IQCB1: variants seen among roughly 807,000 people sequenced by gnomAD.
IQCB1 encodes the protein IQ calmodulin-binding motif-containing protein 1.
Under a neutral mutation model 84.4 loss-of-function variants are expected in IQCB1, and 56 were observed. The observed-to-expected ratio is 0.66, with a 90% CI of 0.54 to 0.83. The LOEUF is 0.83. Ranked by LOEUF, IQCB1 falls within the 40% of genes least tolerant of loss-of-function variation. The probability of loss-of-function intolerance (pLI) is 0.00; values close to 1 mark genes in which losing one functional copy is unlikely to be tolerated. For missense variants in IQCB1, 629 were observed against 682.1 expected (o/e 0.92, Z 0.87); for synonymous variants, 210 against 234.8 (o/e 0.89, Z 0.96).
chr3:121,782,069 A>G (rs1948519324), intron 12 of IQCB1, among the ~76,000 whole-genome samples, 195 bp from the exon 13 acceptor site: 1 of 152,190 alleles, frequency 6.6e-6, no homozygotes, highest in South Asian at 2.1e-4. Flanking sequence ...AGTGCTTTTT[A>G]CAAGGATATA....
chr3:121,781,654 C>CACACAA, intron 13 of IQCB1, 89 bp downstream of exon 13: 1 of 1,012,080 alleles, frequency 9.9e-7, no homozygotes, highest in Non-Finnish European at 1.5e-6. Flanking sequence ...CACACACACA[C>CACACAA]ACACACACAA....
In IQCB1 at chr3:121,776,364, A is replaced by G. The variant is rs1043628863; in HGVS notation, c.1411-3651T>C. Among the ~76,000 whole-genome samples the G allele has an allele frequency of 3.9e-5, 6 of 152,178 alleles. No homozygotes were observed. The East Asian group carries it at 9.6e-4, about 24-fold the overall frequency. On this transcript the variant is annotated intron_variant, in intron 13 of 14. Coordinates refer to ENST00000310864, the MANE Select transcript of IQCB1 (RefSeq NM_001023570.4). ...ATATATTTCTTTTTCTCTGGGGTAA[A>G]TATCTAGGAGTAGAATGGCTGAATC...
chr3:121,811,760 A>G (rs1286688689), intron 5 of IQCB1, among the ~76,000 whole-genome samples: 1 of 152,186 alleles, frequency 6.6e-6, no homozygotes, highest in Non-Finnish European at 1.5e-5. Context: ...AAACAAAGGC[A>G]GCAGCCCCAG....
chr3:121,826,100 A>T lies in IQCB1; in HGVS notation c.344T>A (p.Phe115Tyr). Residue 115 changes from phenylalanine to tyrosine, a missense_variant, in exon 5 of 15, where the codon TTT becomes TAT. Physicochemically the swap from Phe to Tyr is conservative, Grantham distance 22. Transcript: ENST00000310864. ...NELLPSAAENFLVLGRQLQTC... is the reference protein window; with the variant it reads ...NELLPSAAENYLVLGRQLQTC... ...TTGTAATTGTCTCCCCAAAACTAGA[A>T]AATTTTCTGCAGCTGATGGAAGTAA... is the stretch of plus-strand genomic sequence containing the variant. 3 of 1,613,442 alleles carry T rather than the reference A, an allele frequency of 1.9e-6. No individual in the cohort carries two copies. Among genetic ancestry groups the T allele is most frequent in the Non-Finnish European group, 2.5e-6 (3 of 1,179,398 alleles).
At chr3:121,823,629 G>A (rs1950350736) in intron 5 of IQCB1, among the ~76,000 whole-genome samples, 1 of 152,098 alleles carries the variant, frequency 6.6e-6, no homozygotes, top group Non-Finnish European at 1.5e-5. Context: ...TTCCTCAAAA[G>A]TGAAGGCATC....
intron 5 of IQCB1, among the ~76,000 whole-genome samples, chr3:121,813,337 C>G (rs574082973): frequency 6.6e-6 from 1 of 152,220 alleles, no homozygotes; most frequent in East Asian, 1.9e-4. Flanking sequence ...TACAAAGCCC[C>G]ATGACACTAT....
In IQCB1 at chr3:121,795,463, C is replaced by T. The variant is rs377493667; in HGVS notation, c.980G>A (p.Ser327Asn). 2.0e-5 allele frequency: 32 copies of T among 1,583,224 alleles called. No homozygotes were observed. The highest frequency in any genetic ancestry group is 2.5e-5 in the Non-Finnish European group (29 of 1,153,760). ...CCTCACCAAATTTTTTTACCTGAAACTCCTCTGCAAAGCAATCACAGCAGA... is the reference window on the plus strand; with the variant it reads ...CCTCACCAAATTTTTTTACCTGAAATTCCTCTGCAAAGCAATCACAGCAGA... Reference protein sequence around the residue: ...LPSAVIALQRSFRSKRSKMLL... With the variant: ...LPSAVIALQRNFRSKRSKMLL... The change falls in exon 10 of 15, where the codon AGT becomes AAT. Residue 327 changes from serine (S) to asparagine (N), a missense_variant. Coordinates refer to ENST00000310864, the MANE Select transcript of IQCB1 (RefSeq NM_001023570.4).
intron 13 of IQCB1, among the ~76,000 whole-genome samples, chr3:121,775,334 T>C (rs1948181624): frequency 6.6e-6 from 1 of 152,222 alleles, no homozygotes; most frequent in African/African-American, 2.4e-5. Flanking sequence ...GAGACATGGA[T>C]GAAGCTGGAA....
chr3:121,825,307 G>T (rs571542862), intron 5 of IQCB1, among the ~76,000 whole-genome samples: 1 of 151,992 alleles, frequency 6.6e-6, no homozygotes, highest in Non-Finnish European at 1.5e-5. Context: ...TGATCCGCCC[G>T]CCTCGGCCTC....
Position 121,826,182 on chromosome 3 carries a change from T to C in IQCB1, c.264-2A>G. ...GGCTCCAAGCCCACACAGCAATGGC[T>C]GAAATAAGAGCACAAGTTCGTGTTA... On this transcript the variant is annotated splice_acceptor_variant, in intron 4 of 14. Coordinates refer to ENST00000310864, the MANE Select transcript of IQCB1 (RefSeq NM_001023570.4). LOFTEE classifies it high-confidence loss of function. The C allele has an allele frequency of 6.2e-7, 1 of 1,613,752 alleles. No homozygotes were observed. Among genetic ancestry groups the C allele is most frequent in the Non-Finnish European group, 8.5e-7 (1 of 1,179,718 alleles).
intron 13 of IQCB1, among the ~76,000 whole-genome samples, chr3:121,773,973 C>T (rs1345230071): frequency 6.6e-6 from 1 of 151,828 alleles, no homozygotes; most frequent in East Asian, 1.9e-4. Context: ...AGTTAACTGG[C>T]AGTCCACAGA....
chr3:121,830,024 T>A (rs918244881), intron 2 of IQCB1, among the ~76,000 whole-genome samples: 1 of 151,990 alleles, frequency 6.6e-6, no homozygotes, highest in Admixed American at 6.6e-5. Context: ...CTGGCCAACA[T>A]GGTGAAACCC....
chr3:121,776,152 T>C (rs528770069), intron 13 of IQCB1, among the ~76,000 whole-genome samples: 2 of 152,254 alleles, frequency 1.3e-5, no homozygotes, highest in East Asian at 3.9e-4. Flanking sequence ...CTCGAACTCC[T>C]GGGCTCAAGC....
At position 121,795,572 on chromosome 3, in the gene IQCB1, A is replaced by G; in HGVS notation, c.877-6T>C. ...CATGCTGCTTGATGTAGTTTCTGAAATGCCGAAAATAATTTAGAGATATCT... is the reference window on the plus strand; with the variant it reads ...CATGCTGCTTGATGTAGTTTCTGAAGTGCCGAAAATAATTTAGAGATATCT... On this transcript the variant is annotated splice_polypyrimidine_tract_variant and splice_region_variant and intron_variant, in intron 9 of 14. Coordinates refer to ENST00000310864, the MANE Select transcript of IQCB1 (RefSeq NM_001023570.4). The G allele has an allele frequency of 6.5e-7, 1 of 1,539,548 alleles. No individual in the cohort carries two copies. Among genetic ancestry groups the G allele is most frequent in the South Asian group, 1.1e-5 (1 of 89,512 alleles).
intron 7 of IQCB1, among the ~76,000 whole-genome samples, chr3:121,800,565 C>G (rs1949366632): frequency 6.6e-6 from 1 of 151,836 alleles, no homozygotes; most frequent in African/African-American, 2.4e-5. Context: ...CTAGGATGCT[C>G]ACCCTGTCCC....
intron 12 of IQCB1, among the ~76,000 whole-genome samples, chr3:121,787,549 G>A (rs1284216824): frequency 6.6e-6 from 1 of 152,052 alleles, no homozygotes; most frequent in Non-Finnish European, 1.5e-5. Flanking sequence ...TCTAGAGATC[G>A]AGACCATCCT....
rs199800276 is a variant in IQCB1 at position 121,826,190 on chromosome 3, G to A, written c.264-10C>T. On this transcript the variant is annotated splice_polypyrimidine_tract_variant and intron_variant, in intron 4 of 14. Coordinates refer to ENST00000310864, the MANE Select transcript of IQCB1 (RefSeq NM_001023570.4). ...GCCCACACAGCAATGGCTGAAATAA[G>A]AGCACAAGTTCGTGTTAATTAGAAG... The A allele has an allele frequency of 5.0e-5, 80 of 1,613,494 alleles. No homozygotes were observed. The African/African-American group carries it at 8.4e-4, about 17-fold the overall frequency.
At chr3:121,791,345 ATAGTT>A in intron 10 of IQCB1, among the ~76,000 whole-genome samples, 2 of 152,310 alleles carry the variant, frequency 1.3e-5, no homozygotes, top group South Asian at 4.1e-4. Context: ...TCAACTCAAA[ATAGTT>A]TATTTTGATT....
intron 6 of IQCB1, among the ~76,000 whole-genome samples, chr3:121,808,610 T>A (rs952609837): frequency 6.6e-6 from 1 of 151,980 alleles, no homozygotes; most frequent in Admixed American, 6.6e-5. Context: ...TCTTTTAAAC[T>A]TAAAAGTTAT....
Sources: allele counts gnomAD v4.1 joint callset (sites outside exome capture counted in the v4.1 genomes callset), GRCh38; gene constraint gnomAD v4.1.1; transcripts MANE v1.5; gene names NCBI Gene and HGNC (gene_info 2026-07-23, HGNC 2026-07-21).